Variants in PDLIM5 observed in about 807,000 individuals in gnomAD.
PDLIM5 encodes PDZ and LIM domain 5.
In PDLIM5, 34 loss-of-function variants were observed where a neutral mutation model predicts 64.2. The observed-to-expected ratio is 0.53, with a 90% CI of 0.40 to 0.71. The LOEUF is 0.71. PDLIM5 is among the 30% of genes least tolerant of loss of function. The probability of loss-of-function intolerance (pLI) is 0.00; values close to 1 mark genes in which losing one functional copy is unlikely to be tolerated. For synonymous variants in PDLIM5, 253 were observed against 269.1 expected, an observed-to-expected ratio of 0.94 and a Z score of 0.59; for missense variants, 683 against 733.6, an observed-to-expected ratio of 0.93 and a Z score of 0.80.
At chr4:94,527,993 G>A (rs1730526554) in intron 3 of PDLIM5, among the ~76,000 whole-genome samples, 2 of 152,190 alleles carry the variant, frequency 1.3e-5, no homozygotes, top group Non-Finnish European at 2.9e-5. Context: ...AACAGCACGT[G>A]CTATGGGATT....
In PDLIM5 at chr4:94,646,397, G is replaced by T. The variant is rs529524703; in HGVS notation, c.1283+5947G>T. Among the ~76,000 whole-genome samples the T allele has an allele frequency of 9.2e-5, 14 of 152,260 alleles. No homozygotes were observed. In the South Asian group the frequency reaches 2.9e-3, roughly 32 times the overall value. On this transcript the variant is annotated intron_variant, in intron 9 of 12. Transcript: ENST00000317968. The stretch of plus-strand genomic sequence containing the variant: ...AGAAGATGGCCATCTATACACTAAG[G>T]GGAGAAGCCCTCTTGACATCTTGGT...
intron 3 of PDLIM5, among the ~76,000 whole-genome samples, chr4:94,556,373 C>T (rs1324647157): frequency 6.6e-6 from 1 of 152,268 alleles, no homozygotes; most frequent in East Asian, 1.9e-4. Flanking sequence ...CATAGGTGTG[C>T]ATGTGTCTTT....
intron 8 of PDLIM5, among the ~76,000 whole-genome samples, chr4:94,619,993 A>G (rs1355605686): frequency 3.3e-5 from 5 of 151,790 alleles, no homozygotes; most frequent in Non-Finnish European, 7.4e-5. Context: ...TGACTATCCC[A>G]CCCTTCCTTA....
intron 8 of PDLIM5, among the ~76,000 whole-genome samples, chr4:94,627,759 C>T (rs558618442): frequency 2.6e-5 from 4 of 152,278 alleles, no homozygotes; most frequent in Admixed American, 6.5e-5. Context: ...GGTTTTCAAA[C>T]GCATGAATAA....
At position 94,664,039 on chromosome 4, in the gene PDLIM5, A is replaced by C. The variant is rs201326456; in HGVS notation, c.1763A>C (p.Lys588Thr). ...TCCAAGAAGGACAAGCCCCTGTGTA[A>C]GAAACATGCTCATTCTGTGAATTTT... ...FFSKKDKPLC[K>T]KHAHSVNF The change falls in exon 13 of 13, where the codon AAG (lysine) becomes ACG (threonine). Residue 588 changes from lysine to threonine, a missense_variant. By Grantham distance (78) the Lys-to-Thr change is moderately conservative. Transcript: ENST00000317968. 39 of 1,608,518 alleles carry C rather than the reference A, an allele frequency of 2.4e-5. No homozygotes were observed. The highest frequency in any genetic ancestry group is 3.2e-5 in the Non-Finnish European group (38 of 1,176,370).
At chr4:94,544,002 A>G (rs776799140) in intron 3 of PDLIM5, among the ~76,000 whole-genome samples, 5 of 152,128 alleles carry the variant, frequency 3.3e-5, no homozygotes, top group African/African-American at 1.2e-4. Context: ...GAACCTCCAC[A>G]GTTTTCCATA....
At chr4:94,583,124 A>T (rs934078641) in intron 5 of PDLIM5, 3 of 154,580 alleles carry the variant, frequency 1.9e-5, no homozygotes, top group African/African-American at 7.2e-5. Flanking sequence ...TGCATTTTTT[A>T]AAATAAAATT....
chr4:94,590,331 T>C (rs1453093531), intron 7 of PDLIM5, among the ~76,000 whole-genome samples: 3 of 152,200 alleles, frequency 2.0e-5, no homozygotes, highest in Admixed American at 6.5e-5. Flanking sequence ...GAATTGATTT[T>C]CCCTCCAGAT....
intron 7 of PDLIM5, among the ~76,000 whole-genome samples, chr4:94,603,475 G>GC (rs913325851): frequency 3.3e-5 from 5 of 151,944 alleles, no homozygotes; most frequent in Non-Finnish European, 7.4e-5. Context: ...GGACTGTAAT[G>GC]CCCCCCCAAC....
At chr4:94,570,982 A>G (rs1395360331) in intron 3 of PDLIM5, among the ~76,000 whole-genome samples, 1 of 152,196 alleles carries the variant, frequency 6.6e-6, no homozygotes, top group Non-Finnish European at 1.5e-5. Context: ...ATTCTTAAAC[A>G]CTAATGCGAA....
intron 8 of PDLIM5, among the ~76,000 whole-genome samples, chr4:94,622,253 G>T (rs909796230): frequency 1.3e-5 from 2 of 150,546 alleles, no homozygotes. Flanking sequence ...AGGTGATAGC[G>T]GATTCATCAT....
chr4:94,512,910 A>G (rs1354391287), intron 2 of PDLIM5, among the ~76,000 whole-genome samples: 1 of 152,066 alleles, frequency 6.6e-6, no homozygotes, highest in Non-Finnish European at 1.5e-5. Context: ...TGATTTTTGT[A>G]TATGATGAGA....
In PDLIM5 at chr4:94,666,247, A is replaced by C; in HGVS notation, c.*2180A>C. 2.2e-6 allele frequency: 1 copy of C among 461,812 alleles called. No individual in the cohort carries two copies. The highest frequency in any genetic ancestry group is 3.8e-6 in the Non-Finnish European group (1 of 263,230). The allele number at this position is 461,812 out of a possible 1,614,324, so 28.6% of individuals were successfully genotyped here. A position where few individuals can be genotyped will look rare whatever the true frequency, so the allele number is the denominator to read the frequency against. On this transcript the variant is annotated 3_prime_UTR_variant, in exon 13 of 13. Transcript: ENST00000317968. ...CATCTGTCCTGAAAGCTGTTAATTT[A>C]TGGTCTAGCAGATTTATATTATATG... is the stretch of plus-strand genomic sequence containing the variant.
At chr4:94,488,382 T>C (rs1475755042) in intron 2 of PDLIM5, among the ~76,000 whole-genome samples, 3 of 152,192 alleles carry the variant, frequency 2.0e-5, no homozygotes. Flanking sequence ...ATTGGGAAAA[T>C]CTTTTTTTCT....
rs576612667 is a variant in PDLIM5 at position 94,518,303 on chromosome 4, TTAG to T, written c.97-5419_97-5417del. Among the ~76,000 whole-genome samples the T allele has an allele frequency of 4.7e-3, 711 of 152,336 alleles. 2 individuals carry two copies. Among genetic ancestry groups the T allele is most frequent in the Non-Finnish European group, 8.7e-3 (594 of 68,016 alleles). The stretch of plus-strand genomic sequence containing the variant: ...AAGAGGTAATAGCTAAGGGGAAGGC[TTAG>T]TGTAGCAGGTATATCCAACTCCTTA... On this transcript the variant is annotated intron_variant, in intron 2 of 12. Coordinates refer to ENST00000317968, the MANE Select transcript of PDLIM5 (RefSeq NM_006457.5).
intron 6 of PDLIM5, 73 bp from the exon 7 acceptor site, chr4:94,586,335 G>A: frequency 1.3e-6 from 1 of 789,850 alleles, no homozygotes; most frequent in African/African-American, 1.7e-5. Context: ...ATTGATTGGT[G>A]CAGGTAATTG....
intron 9 of PDLIM5, among the ~76,000 whole-genome samples, chr4:94,647,283 T>C (rs961961254): frequency 1.3e-5 from 2 of 152,070 alleles, no homozygotes; most frequent in African/African-American, 4.8e-5. Flanking sequence ...GATACAAATA[T>C]GTTACAAGTA....
intron 3 of PDLIM5, among the ~76,000 whole-genome samples, chr4:94,538,047 T>A (rs1381665944): frequency 6.6e-6 from 1 of 152,208 alleles, no homozygotes; most frequent in Non-Finnish European, 1.5e-5. Context: ...TCAAATGCCG[T>A]GGAAACTTCT....
At chr4:94,469,960 A>ATTTTTTTTTTTT (rs34572366) in intron 2 of PDLIM5, among the ~76,000 whole-genome samples, 8 of 71,566 alleles carry the variant, frequency 1.1e-4, no homozygotes, top group African/African-American at 4.9e-4. Flanking sequence ...CATTCTTTTA[A>ATTTTTTTTTTTT]TTTTTTTTTT....
Sources: allele counts gnomAD v4.1 joint callset (sites outside exome capture counted in the v4.1 genomes callset), GRCh38; gene constraint gnomAD v4.1.1; transcripts MANE v1.5; gene names NCBI Gene and HGNC (gene_info 2026-07-23, HGNC 2026-07-21).